MYRFL: variants seen among roughly 807,000 people sequenced by gnomAD.
MYRFL encodes the protein myelin regulatory factor like, also known as myelin regulatory factor-like protein.
In MYRFL, 88 loss-of-function variants were observed where a neutral mutation model predicts 109.4. The observed-to-expected ratio is 0.80, with a 90% confidence interval of 0.68 to 0.96. MYRFL has a LOEUF of 0.96. Ranked by LOEUF, MYRFL falls within the 40% of genes least tolerant of loss-of-function variation. The pLI, the probability that MYRFL is intolerant of heterozygous loss-of-function variation, is 0.00. For synonymous variants in MYRFL, 324 were observed against 320.9 expected (o/e 1.01, Z -0.10); for missense variants, 957 against 954.9 (o/e 1.00, Z -0.03).
intron 10 of MYRFL, 52 bp from the exon 11 acceptor site, chr12:69,903,592 T>C (rs1339953837): frequency 1.1e-5 from 17 of 1,510,086 alleles, no homozygotes; most frequent in Non-Finnish European, 1.4e-5. Flanking sequence ...AATGTGATCA[T>C]CTATTCCTGC....
intron 19 of MYRFL, among the ~76,000 whole-genome samples, chr12:69,939,924 A>G (rs537876630): frequency 6.6e-6 from 1 of 152,242 alleles, no homozygotes; most frequent in Non-Finnish European, 1.5e-5. Flanking sequence ...GATGCGATCA[A>G]CTGGAAGAAA....
intron 14 of MYRFL, among the ~76,000 whole-genome samples, chr12:69,927,424 T>TA (rs397713642): frequency 1.3e-5 from 2 of 151,850 alleles, no homozygotes; most frequent in Non-Finnish European, 2.9e-5. Flanking sequence ...ATTTTTTTTT[T>TA]AATTGCTTAA....
intron 16 of MYRFL, among the ~76,000 whole-genome samples, chr12:69,935,512 GAGA>G (rs1177900053): frequency 2.0e-5 from 3 of 152,216 alleles, no homozygotes; most frequent in Non-Finnish European, 4.4e-5. Flanking sequence ...AGTGATGGGG[GAGA>G]AGACACCCTC....
At chr12:69,910,735 T>C (rs1954541931) in intron 12 of MYRFL, 86 bp from the exon 13 acceptor site, 16 of 912,652 alleles carry the variant, frequency 1.8e-5, no homozygotes, top group Admixed American at 4.8e-5. Flanking sequence ...GCAAATGTAT[T>C]GTAGATCAAA....
chr12:69,834,136 A>G (rs1303763040), intron 1 of MYRFL, among the ~76,000 whole-genome samples: 2 of 152,228 alleles, frequency 1.3e-5, no homozygotes, highest in Non-Finnish European at 2.9e-5. Flanking sequence ...TCAGAAGTGC[A>G]GTATAAATAT....
At chr12:69,930,537 G>T (rs777325529) in intron 15 of MYRFL, among the ~76,000 whole-genome samples, 1 of 152,078 alleles carries the variant, frequency 6.6e-6, no homozygotes, top group Non-Finnish European at 1.5e-5. Flanking sequence ...GAATGAAGAC[G>T]GCTGGGCATG....
chr12:69,951,292 G>A (rs1392010500), intron 19 of MYRFL, among the ~76,000 whole-genome samples: 1 of 152,114 alleles, frequency 6.6e-6, no homozygotes, highest in Admixed American at 6.5e-5. Flanking sequence ...CAAGACCAAG[G>A]TGTCAGCAGG....
chr12:69,845,472 C>G (rs1883472191), intron 1 of MYRFL, among the ~76,000 whole-genome samples: 1 of 152,194 alleles, frequency 6.6e-6, no homozygotes, highest in South Asian at 2.1e-4. Flanking sequence ...TCCTGTGAAT[C>G]CAGGAGGCAT....
intron 10 of MYRFL, among the ~76,000 whole-genome samples, chr12:69,902,202 A>G (rs951424095): frequency 6.6e-6 from 1 of 152,028 alleles, no homozygotes; most frequent in Admixed American, 6.6e-5. Flanking sequence ...GGCCTCTTTC[A>G]CTGCTTCTGT....
Position 69,907,729 on chromosome 12 carries a change from G to A in MYRFL, c.1384-2240G>A, listed in dbSNP as rs148869295. Among the ~76,000 whole-genome samples, 737 of 152,110 alleles carry A rather than the reference G, an allele frequency of 4.8e-3. 4 individuals carry two copies. The highest frequency in any genetic ancestry group is 0.016 in the African/African-American group (678 of 41,466). ...CTATTACATGTCAGACACTTTGCTC[G>A]GTACTGTGCAGGTCCTGAGATAAAT... On this transcript the variant is annotated intron_variant, in intron 11 of 24. Coordinates refer to ENST00000552032, the MANE Select transcript of MYRFL (RefSeq NM_182530.3).
intron 6 of MYRFL, among the ~76,000 whole-genome samples, chr12:69,887,385 GTGAA>G (rs1226927102): frequency 6.6e-6 from 1 of 152,186 alleles, no homozygotes; most frequent in Non-Finnish European, 1.5e-5. Flanking sequence ...CGTATATGCT[GTGAA>G]TGAATATTAC....
intron 1 of MYRFL, among the ~76,000 whole-genome samples, chr12:69,834,514 G>A (rs951092459): frequency 6.6e-6 from 1 of 152,136 alleles, no homozygotes; most frequent in Non-Finnish European, 1.5e-5. Context: ...TCTGTCAAAT[G>A]GGGATAATAA....
At position 69,827,494 on chromosome 12, in the gene MYRFL, GA is replaced by G. The variant is rs570557798; in HGVS notation, c.46+1933del. Among the ~76,000 whole-genome samples, 140 of 152,106 alleles carry G rather than the reference GA, an allele frequency of 9.2e-4. 2 individuals carry two copies. Among genetic ancestry groups the G allele is most frequent in the Admixed American group, 8.6e-3 (131 of 15,250 alleles). ...ATAGGTAGGCTTGTGAGCTAAAGCA[GA>G]AGAGGCGCAATCAGGCACTCTAGAG... On this transcript the variant is annotated intron_variant, in intron 1 of 24. Transcript: ENST00000552032.
At chr12:69,916,729 C>T (rs11833171) in intron 13 of MYRFL, among the ~76,000 whole-genome samples, 28,324 of 152,088 alleles carry the variant, frequency 0.19, 3,838 homozygotes, top group African/African-American at 0.38. Context: ...CTTTCTAACT[C>T]GTTTCCTAAT....
intron 13 of MYRFL, among the ~76,000 whole-genome samples, chr12:69,919,454 C>T (rs1265399767): frequency 6.6e-6 from 1 of 152,124 alleles, no homozygotes; most frequent in East Asian, 1.9e-4. Flanking sequence ...TCCATGTAAA[C>T]CAGAAGAGAA....
rs1018237833 is a variant in MYRFL, at chr12:69,932,538, C to A, written c.1856C>A (p.Ala619Glu). The stretch of plus-strand genomic sequence containing the variant: ...GTTTATTTTTCAGGAAAAAGACAGG[C>A]GTGTCCTAATTGGGTTTTCCAGACC... ...NKVYFSGKRQ[A>E]CPNWVFQTLV... Residue 619 changes from alanine (A) to glutamate (E), a missense_variant, in exon 16 of 25, where the codon GCG (alanine) becomes GAG (glutamate). Coordinates refer to ENST00000552032, the MANE Select transcript of MYRFL (RefSeq NM_182530.3). 6.5e-7 allele frequency: 1 copy of A among 1,535,848 alleles called. No individual in the cohort carries two copies. Among genetic ancestry groups the A allele is most frequent in the Non-Finnish European group, 8.7e-7 (1 of 1,146,688 alleles).
intron 10 of MYRFL, among the ~76,000 whole-genome samples, chr12:69,898,781 C>T (rs1444994207): frequency 1.3e-5 from 2 of 152,288 alleles, no homozygotes; most frequent in Non-Finnish European, 2.9e-5. Flanking sequence ...TACCTAGTGA[C>T]AAGGTTTCTC....
At chr12:69,863,300 G>T (rs61927979) in intron 2 of MYRFL, among the ~76,000 whole-genome samples, 16,398 of 152,140 alleles carry the variant, frequency 0.11, 1,212 homozygotes, top group Middle Eastern at 0.18. Context: ...TTTTTCTATT[G>T]ATTGGAATAG....
intron 19 of MYRFL, among the ~76,000 whole-genome samples, chr12:69,942,663 A>G (rs1278071428): frequency 3.3e-5 from 5 of 151,878 alleles, no homozygotes; most frequent in East Asian, 1.9e-4. Flanking sequence ...CCTATTCAAC[A>G]TAGTGTTGGA....
Sources: allele counts gnomAD v4.1 joint callset (sites outside exome capture counted in the v4.1 genomes callset), GRCh38; gene constraint gnomAD v4.1.1; transcripts MANE v1.5; gene names NCBI Gene and HGNC (gene_info 2026-07-23, HGNC 2026-07-21).